Variants in FBXW4 observed in about 807,000 individuals in gnomAD.
The protein encoded by FBXW4 is F-box and WD repeat domain containing 4, also known as F-box/WD repeat-containing protein 4.
Under a neutral mutation model 61.8 loss-of-function variants are expected in FBXW4, and 40 were observed. That is an observed-to-expected ratio of 0.65 (90% CI 0.50 to 0.84). The LOEUF is 0.84. Among genes scored for constraint, FBXW4 ranks in the 40% least tolerant of loss-of-function variants. FBXW4 has a pLI of 0.00. For missense variants in FBXW4, 672 were observed against 753.8 expected (o/e 0.89, Z 1.27); for synonymous variants, 311 against 313.8 (o/e 0.99, Z 0.10).
intron 1 of FBXW4, among the ~76,000 whole-genome samples, chr10:101,679,480 T>C (rs1425067187): frequency 6.6e-6 from 1 of 152,226 alleles, no homozygotes; most frequent in African/African-American, 2.4e-5. Context: ...CCCAAACTGA[T>C]ATGAATTTAA....
intron 5 of FBXW4, among the ~76,000 whole-genome samples, chr10:101,645,805 A>G (rs1045176272): frequency 3.9e-5 from 6 of 152,236 alleles, no homozygotes; most frequent in Non-Finnish European, 7.3e-5. Flanking sequence ...GAGAGAGCTC[A>G]GCACAGGACA....
At chr10:101,646,013 G>T (rs1390726917) in intron 5 of FBXW4, among the ~76,000 whole-genome samples, 3 of 152,182 alleles carry the variant, frequency 2.0e-5, no homozygotes, top group African/African-American at 7.2e-5. Context: ...GTATAAAGTG[G>T]TCAGCATAGT....
intron 5 of FBXW4, among the ~76,000 whole-genome samples, chr10:101,662,127 CCT>C (rs1291295010): frequency 6.6e-6 from 1 of 152,218 alleles, no homozygotes; most frequent in African/African-American, 2.4e-5. Flanking sequence ...ATCTTTCAAA[CCT>C]CTCTGTCAGA....
intron 5 of FBXW4, among the ~76,000 whole-genome samples, chr10:101,631,812 A>G (rs2063960251): frequency 1.3e-5 from 2 of 152,226 alleles, no homozygotes; most frequent in African/African-American, 2.4e-5. Context: ...TATTTTTAGT[A>G]GAGATGGGGT....
rs1274596108 is a variant in FBXW4 at position 101,627,927 on chromosome 10, G to A, written c.1236-3117C>T. The A allele has an allele frequency of 5.1e-6, 5 of 983,542 alleles. No individual in the cohort carries two copies. The African/African-American group carries it at 8.7e-5, about 17-fold the overall frequency. 60.9% of individuals were successfully genotyped at this position (983,542 alleles called of 1,614,324 possible). A position where few individuals can be genotyped will look rare whatever the true frequency, so the allele number is the denominator to read the frequency against. ...TCTGTGCATCACAGGCAGTCTCACT[G>A]GCCTCAGTTCTCTAACCCAGGTGAT... On this transcript the variant is annotated intron_variant, in intron 5 of 8. Coordinates refer to ENST00000331272, the MANE Select transcript of FBXW4 (RefSeq NM_022039.4).
Position 101,676,379 on chromosome 10 carries a change from C to G in FBXW4, c.783G>C (p.Gly261=). 6.2e-7 allele frequency: 1 copy of G among 1,613,762 alleles called. No individual in the cohort carries two copies. Among genetic ancestry groups the G allele is most frequent in the Non-Finnish European group, 8.5e-7 (1 of 1,179,920 alleles). Residue 261 remains glycine (G), a synonymous_variant, in exon 2 of 9, where the codon GGG becomes GGC. Transcript: ENST00000331272. Reference sequence around the variant, plus strand: ...TCAGCAGAATCCCCTCTCGGCAGCGCCCCAGTCTCCAGTTCTGAGACACCT... The same window carrying G: ...TCAGCAGAATCCCCTCTCGGCAGCGGCCCAGTCTCCAGTTCTGAGACACCT... ...RVKVSQNWRL[G]RCREGILLKW... is the part of the protein sequence containing the mutation.
chr10:101,678,612 T>C (rs2064441016), intron 1 of FBXW4, among the ~76,000 whole-genome samples: 2 of 152,116 alleles, frequency 1.3e-5, no homozygotes, highest in Admixed American at 1.3e-4. Flanking sequence ...CTGTTTTTAG[T>C]AGAGACGGGG....
intron 6 of FBXW4, among the ~76,000 whole-genome samples, chr10:101,612,818 C>T (rs942071432): frequency 1.3e-5 from 2 of 152,030 alleles, no homozygotes; most frequent in Non-Finnish European, 2.9e-5. Context: ...CATTCACATG[C>T]ACATGCACAC....
chr10:101,685,235 C>T lies in FBXW4; in HGVS notation c.726-8799G>A, dbSNP rs1025842997. ...TGCCATCTGAACTGTTAGATGGAAC[C>T]TACCATACACCTAGGCATTGCTAGC... On this transcript the variant is annotated intron_variant, in intron 1 of 8. Coordinates refer to ENST00000331272, the MANE Select transcript of FBXW4 (RefSeq NM_022039.4). 5.9e-5 allele frequency among the ~76,000 whole-genome samples: 9 copies of T among 152,252 alleles called. No homozygotes were observed. The East Asian group carries it at 1.7e-3, about 29-fold the overall frequency.
intron 5 of FBXW4, among the ~76,000 whole-genome samples, chr10:101,659,189 C>T (rs969970688): frequency 2.0e-5 from 3 of 152,144 alleles, no homozygotes; most frequent in African/African-American, 7.2e-5. Flanking sequence ...CCAAGCAGCA[C>T]CTGCAGAGGG....
chr10:101,662,593 G>A (rs1433591403), intron 5 of FBXW4, among the ~76,000 whole-genome samples: 1 of 152,196 alleles, frequency 6.6e-6, no homozygotes, highest in East Asian at 1.9e-4. Flanking sequence ...AAACCCAAGT[G>A]TCATGGGAAG....
Position 101,625,093 on chromosome 10 carries a change from G to A in FBXW4, c.1236-283C>T, listed in dbSNP as rs567596919. 33 of 461,866 alleles carry A rather than the reference G, an allele frequency of 7.1e-5. No homozygotes were observed. The South Asian group carries it at 7.8e-4, about 11-fold the overall frequency. 28.6% of individuals were successfully genotyped at this position (461,866 alleles called of 1,614,324 possible). A position where few individuals can be genotyped will look rare whatever the true frequency, so the allele number is the denominator to read the frequency against. On this transcript the variant is annotated intron_variant, in intron 5 of 8. Coordinates refer to ENST00000331272, the MANE Select transcript of FBXW4 (RefSeq NM_022039.4). The stretch of plus-strand genomic sequence containing the variant: ...GTGGTCTCTGCACACCATAAAAACA[G>A]ATCTCTAGACGTGACAAGTTTGAGC...
chr10:101,668,102 A>G, intron 4 of FBXW4, 122 bp from the exon 5 acceptor site: 1 of 738,590 alleles, frequency 1.4e-6, no homozygotes, highest in South Asian at 1.6e-5. Flanking sequence ...CCCTGCACAC[A>G]CAGAGCTCAG....
chr10:101,648,571 G>A (rs555425700), intron 5 of FBXW4, among the ~76,000 whole-genome samples: 1 of 152,240 alleles, frequency 6.6e-6, no homozygotes, highest in South Asian at 2.1e-4. Context: ...TATCTCAGTC[G>A]ATAATCTTTC....
intron 5 of FBXW4, among the ~76,000 whole-genome samples, chr10:101,643,984 A>T (rs2064075534): frequency 6.6e-6 from 1 of 152,136 alleles, no homozygotes; most frequent in African/African-American, 2.4e-5. Flanking sequence ...GACTTACTGA[A>T]GTTTAACAGG....
chr10:101,682,965 T>C (rs1161372888), intron 1 of FBXW4, among the ~76,000 whole-genome samples: 2 of 152,222 alleles, frequency 1.3e-5, no homozygotes, highest in Admixed American at 6.5e-5. Flanking sequence ...TCCCTAGCTG[T>C]TGGCCAAATC....
chr10:101,615,299 C>G (rs990517106), intron 6 of FBXW4, among the ~76,000 whole-genome samples: 9 of 152,074 alleles, frequency 5.9e-5, no homozygotes, highest in African/African-American at 1.9e-4. Flanking sequence ...TATAGAGGGC[C>G]AGACAAAAAG....
intron 4 of FBXW4, 109 bp downstream of exon 4, chr10:101,672,805 TC>T: frequency 7.4e-7 from 1 of 1,344,162 alleles, no homozygotes; most frequent in Non-Finnish European, 1.0e-6. Context: ...TGTCGTTTTC[TC>T]CCCTGTCCCC....
intron 6 of FBXW4, among the ~76,000 whole-genome samples, chr10:101,619,440 C>T (rs779036004): frequency 1.3e-5 from 2 of 152,038 alleles, no homozygotes; most frequent in Admixed American, 6.6e-5. Context: ...AGGTGGATCA[C>T]GAGGTCAGGA....
Sources: allele counts gnomAD v4.1 joint callset (sites outside exome capture counted in the v4.1 genomes callset), GRCh38; gene constraint gnomAD v4.1.1; transcripts MANE v1.5; gene names NCBI Gene and HGNC (gene_info 2026-07-23, HGNC 2026-07-21).